CYP4F3: variants seen among roughly 807,000 people sequenced by gnomAD.
CYP4F3 encodes the protein cytochrome P450 family 4 subfamily F member 3.
CYP4F3 carries 50 observed loss-of-function variants against 54.8 expected under a neutral mutation model. The observed-to-expected ratio is 0.91, with a 90% CI of 0.73 to 1.16. CYP4F3 has a LOEUF of 1.16. CYP4F3 is among the 50% of genes most tolerant of loss of function. The probability of loss-of-function intolerance (pLI) is 0.00; values close to 1 mark genes in which losing one functional copy is unlikely to be tolerated. For missense variants in CYP4F3, 715 were observed against 676.2 expected (o/e 1.06, Z -0.64); for synonymous variants, 244 against 262.6 (o/e 0.93, Z 0.69).
At chr19:15,650,230 T>C (rs1384716417) in intron 7 of CYP4F3, 47 bp downstream of exon 7, 6 of 1,613,978 alleles carry the variant, frequency 3.7e-6, no homozygotes, top group Non-Finnish European at 5.1e-6. Context: ...GGGAGCTTCA[T>C]GTGAAATGTC....
Position 15,650,028 on chromosome 19 carries a change from C to A in CYP4F3, c.763C>A (p.Arg255Ser). ...GTATTATCTCACCCCTGATGGGCAG[C>A]GTTTCCGCAGGGCCTGCCGCCTGGT... Reference protein sequence around the residue: ...FLYYLTPDGQRFRRACRLVHD... With the variant: ...FLYYLTPDGQSFRRACRLVHD... Residue 255 changes from arginine to serine, a missense_variant, in exon 7 of 13, where the codon CGT (arginine) becomes AGT (serine). By Grantham distance (110) the Arg-to-Ser change is moderately radical. Coordinates refer to ENST00000221307, the MANE Select transcript of CYP4F3 (RefSeq NM_000896.3). 1 of 1,614,194 alleles carries A rather than the reference C, an allele frequency of 6.2e-7. No homozygotes were observed. The highest frequency in any genetic ancestry group is 1.1e-5 in the South Asian group (1 of 91,082).
Position 15,647,092 on chromosome 19 carries a change from G to A in CYP4F3, c.384G>A (p.Leu128=). 6.2e-7 allele frequency: 1 copy of A among 1,614,200 alleles called. No individual in the cohort carries two copies. The highest frequency in any genetic ancestry group is 8.5e-7 in the Non-Finnish European group (1 of 1,180,032). ...VPKDKVFYSF[L]KPWLGDGLLL... is the part of the protein sequence containing the mutation. ...AGGACAAGGTCTTCTACAGCTTCCT[G>A]AAGCCCTGGCTGGGTGAGTATCTGT... Residue 128 remains leucine (L), a synonymous_variant, in exon 4 of 13, where the codon CTG becomes CTA. Transcript: ENST00000221307.
In CYP4F3 at chr19:15,650,343, T is replaced by C. The variant is rs538889963; in HGVS notation, c.918+160T>C. 10 of 1,379,442 alleles carry C rather than the reference T, an allele frequency of 7.2e-6. No homozygotes were observed. In the East Asian group the frequency reaches 1.7e-4, roughly 24 times the overall value. The allele number at this position is 1,379,442 out of a possible 1,614,324, so 85.5% of individuals were successfully genotyped here. A position where few individuals can be genotyped will look rare whatever the true frequency, so the allele number is the denominator to read the frequency against. The stretch of plus-strand genomic sequence containing the variant: ...GAGATAGGTTTTGGAGATAGCTCTG[T>C]GGACTAGCACCTACCAGGGGACTGC... On this transcript the variant is annotated intron_variant, in intron 7 of 12. Transcript: ENST00000221307.
chr19:15,651,449 C>A (rs1183739233), intron 7 of CYP4F3, among the ~76,000 whole-genome samples: 1 of 137,918 alleles, frequency 7.3e-6, no homozygotes, highest in East Asian at 2.1e-4. Flanking sequence ...CTTACTGCAA[C>A]CTCCGCCTCC....
intron 2 of CYP4F3, among the ~76,000 whole-genome samples, chr19:15,642,230 C>T (rs1215757739): frequency 2.0e-5 from 3 of 152,200 alleles, no homozygotes; most frequent in Non-Finnish European, 2.9e-5. Flanking sequence ...CTTTGCGGAA[C>T]GTGGTCTCAA....
At chr19:15,658,640 C>T in intron 11 of CYP4F3, 85 bp downstream of exon 11, 2 of 1,607,214 alleles carry the variant, frequency 1.2e-6, no homozygotes, top group Middle Eastern at 1.7e-4. Flanking sequence ...TCCAACATCA[C>T]CTCCCTCCAA....
chr19:15,658,858 G>A, intron 12 of CYP4F3, 49 bp downstream of exon 12: 1 of 1,601,210 alleles, frequency 6.2e-7, no homozygotes, highest in Non-Finnish European at 8.5e-7. Flanking sequence ...AGGTGCAGGG[G>A]TCTGGGCATG....
chr19:15,653,669 A>G (rs749209589), intron 9 of CYP4F3, among the ~76,000 whole-genome samples: 30 of 150,910 alleles, frequency 2.0e-4, no homozygotes, highest in Non-Finnish European at 5.9e-5. Context: ...ATAATTGGGT[A>G]CAGTTGGGGA....
At position 15,656,841 on chromosome 19, in the gene CYP4F3, T is replaced by A. The variant is rs76394605; in HGVS notation, c.1116-1423T>A. On this transcript the variant is annotated intron_variant, in intron 9 of 12. Coordinates refer to ENST00000221307, the MANE Select transcript of CYP4F3 (RefSeq NM_000896.3). ...TTTTATAAATATATATCCATATGCTTCTTGCTGTTTTACATGTACATATGT... is the reference window on the plus strand; with the variant it reads ...TTTTATAAATATATATCCATATGCTACTTGCTGTTTTACATGTACATATGT... Among the ~76,000 whole-genome samples, 823 of 152,242 alleles carry A rather than the reference T, an allele frequency of 5.4e-3. 10 individuals are homozygous for A. The highest frequency in any genetic ancestry group is 0.019 in the African/African-American group (788 of 41,526).
chr19:15,641,369 T>C, intron 1 of CYP4F3, 46 bp from the exon 2 acceptor site: 1 of 1,608,884 alleles, frequency 6.2e-7, no homozygotes, highest in Non-Finnish European at 8.5e-7. Context: ...CCCTGGGCCC[T>C]TCCCTGGGCC....
intron 7 of CYP4F3, among the ~76,000 whole-genome samples, chr19:15,651,718 T>A (rs1322405421): frequency 6.6e-6 from 1 of 152,150 alleles, no homozygotes; most frequent in Non-Finnish European, 1.5e-5. Flanking sequence ...TATGAGTATT[T>A]GTGTCTGTGT....
In CYP4F3 at chr19:15,645,787, C is replaced by T. The variant is rs749829812; in HGVS notation, c.267C>T (p.Cys89=). 1.7e-5 allele frequency: 27 copies of T among 1,614,056 alleles called. No homozygotes were observed. In the South Asian group the frequency reaches 2.7e-4, roughly 16 times the overall value. The part of the protein sequence containing the change: ...SLACTFGDMC[C]WWVGPWHAIV... ...CATGCACCTTCGGTGATATGTGCTG[C>T]TGGTGGGTGGGGCCCTGGCACGCAA... Residue 89 remains cysteine (C), a synonymous_variant, in exon 3 of 13, where the codon TGC becomes TGT. Transcript: ENST00000221307.
At position 15,645,870 on chromosome 19, in the gene CYP4F3, A is replaced by C; in HGVS notation, c.343+7A>C. 1.3e-6 allele frequency: 2 copies of C among 1,599,200 alleles called. No individual in the cohort carries two copies. Among genetic ancestry groups the C allele is most frequent in the Non-Finnish European group, 1.7e-6 (2 of 1,171,514 alleles). On this transcript the variant is annotated splice_region_variant and intron_variant, in intron 3 of 12. Transcript: ENST00000221307. ...CCTGTGCTCTTTGCTCCAGGTAGAC[A>C]CTGCACTGGCCACTCCAGGTAGACA...
At chr19:15,659,041 G>C (rs535096623) in intron 12 of CYP4F3, among the ~76,000 whole-genome samples, 179 bp from the exon 13 acceptor site, 3 of 152,000 alleles carry the variant, frequency 2.0e-5, no homozygotes, top group Non-Finnish European at 4.4e-5. Context: ...CTGGGGGGTT[G>C]GAGCTCGGCT....
At position 15,658,285 on chromosome 19, in the gene CYP4F3, CTT is replaced by C. The variant is rs1973081875; in HGVS notation, c.1138_1139del (p.Phe380ProfsTer6). ...TTAGGGACGACCTGGCCCAGCTGCCCTTCCTGACCATGTGCATTAAGGAGAGC... is the reference window on the plus strand; with the variant it reads ...TTAGGGACGACCTGGCCCAGCTGCCCCCTGACCATGTGCATTAAGGAGAGC... ...IEWDDLAQLP[F>X]LTMCIKESLR... On this transcript the variant is annotated frameshift_variant, in exon 10 of 13. Transcript: ENST00000221307. LOFTEE classifies it high-confidence loss of function. 1 of 1,614,034 alleles carries C rather than the reference CTT, an allele frequency of 6.2e-7. No individual in the cohort carries two copies. Among genetic ancestry groups the C allele is most frequent in the South Asian group, 1.1e-5 (1 of 91,084 alleles).
At chr19:15,645,651 T>C in intron 2 of CYP4F3, 68 bp from the exon 3 acceptor site, 3 of 1,514,610 alleles carry the variant, frequency 2.0e-6, no homozygotes, top group Non-Finnish European at 2.7e-6. Context: ...CTTCCACCTC[T>C]TCCCTGCAGA....
At chr19:15,652,487 T>C in intron 7 of CYP4F3, 82 bp from the exon 8 acceptor site, 1 of 1,577,702 alleles carries the variant, frequency 6.3e-7, no homozygotes, top group Admixed American at 1.7e-5. Flanking sequence ...TCAGAGACTG[T>C]CTCAGATTAG....
Position 15,641,405 on chromosome 19 carries a change from T to TACA in CYP4F3, c.-1-10_-1-9insACA, listed in dbSNP as rs1972457538. The TACA allele has an allele frequency of 1.2e-6, 2 of 1,613,714 alleles. No individual in the cohort carries two copies. The highest frequency in any genetic ancestry group is 1.3e-5 in the African/African-American group (1 of 74,936). ...TCAGGACCTCACTCACCACCCCATCTGCCCTGCAGGATGCCACAGCTGAGC... is the reference window on the plus strand; with the variant it reads ...TCAGGACCTCACTCACCACCCCATCTACAGCCCTGCAGGATGCCACAGCTGAGC... On this transcript the variant is annotated splice_polypyrimidine_tract_variant and intron_variant, in intron 1 of 12. Transcript: ENST00000221307.
In CYP4F3 at chr19:15,641,556, C is replaced by T. The variant is rs771631864; in HGVS notation, c.141C>T (p.Arg47=). 3 of 1,614,162 alleles carry T rather than the reference C, an allele frequency of 1.9e-6. No homozygotes were observed. The South Asian group carries it at 3.3e-5, about 18-fold the overall frequency. Residue 47 remains arginine, a synonymous_variant, in exon 2 of 13, where the codon CGC becomes CGT. Transcript: ENST00000221307. ...ATACCTTCTATGACAACTGCTGCCG[C>T]CTCCGGTGTTTCCCGCAACCCCCGA... ...WTYTFYDNCC[R]LRCFPQPPKR...
Sources: gnomAD v4.1 joint callset for allele counts (sites outside exome capture counted in the v4.1 genomes callset) on GRCh38, gnomAD v4.1.1 for gene constraint, MANE v1.5 for transcripts, NCBI Gene and HGNC (gene_info 2026-07-23, HGNC 2026-07-21) for gene names.